TMEM39A: variants seen among roughly 807,000 people sequenced by gnomAD.
The protein encoded by TMEM39A is suppressor of SQST-1 aggregates in rpl-43 mutants.
A neutral mutation model predicts 51.9 loss-of-function variants in TMEM39A; 19 were observed. The ratio of observed to expected loss-of-function variants is 0.37; its 90% CI spans 0.26 to 0.54. The LOEUF (loss-of-function observed/expected upper bound fraction) is 0.54, where lower values mean the gene tolerates loss of function less well. TMEM39A is among the 20% of genes least tolerant of loss of function. The pLI, the probability that TMEM39A is intolerant of heterozygous loss-of-function variation, is 0.88. For missense variants in TMEM39A, 433 were observed against 590.5 expected (o/e 0.73, Z 2.76); for synonymous variants, 197 against 220.2 (o/e 0.89, Z 0.93).
At chr3:119,438,689 T>C (rs1174096173) in intron 5 of TMEM39A, among the ~76,000 whole-genome samples, 1 of 152,212 alleles carries the variant, frequency 6.6e-6, no homozygotes, top group Admixed American at 6.5e-5. Context: ...TAAATAACAA[T>C]GTGATAAGGA....
intron 2 of TMEM39A, among the ~76,000 whole-genome samples, chr3:119,461,403 G>T (rs1412968130): frequency 2.0e-5 from 3 of 152,158 alleles, no homozygotes; most frequent in Non-Finnish European, 1.5e-5. Flanking sequence ...TTAAAATCAA[G>T]ACAAGAGAAA....
chr3:119,452,618 A>C (rs2081215322), intron 3 of TMEM39A, 88 bp from the exon 4 acceptor site: 2 of 1,027,828 alleles, frequency 1.9e-6, no homozygotes, highest in Non-Finnish European at 2.9e-6. Flanking sequence ...TATCCCTCAA[A>C]AGATCTTCCT....
chr3:119,431,411 T>C lies in TMEM39A; in HGVS notation c.*570A>G, dbSNP rs547062960. ...TAGCTTATTCAAAAGTATATTTAAA[T>C]GTCACAGGGTAAAATAGACCAGCTG... On this transcript the variant is annotated 3_prime_UTR_variant, in exon 9 of 9. Transcript: ENST00000319172. The C allele has an allele frequency of 1.3e-5, 2 of 152,272 alleles. No homozygotes were observed. Among genetic ancestry groups the C allele is most frequent in the South Asian group, 4.1e-4 (2 of 4,824 alleles). 9.4% of individuals were successfully genotyped at this position (152,272 alleles called of 1,614,324 possible). A position where few individuals can be genotyped will look rare whatever the true frequency, so the allele number is the denominator to read the frequency against.
At chr3:119,445,597 GA>G (rs962147355) in intron 5 of TMEM39A, among the ~76,000 whole-genome samples, 2 of 151,620 alleles carry the variant, frequency 1.3e-5, no homozygotes, top group African/African-American at 4.8e-5. Context: ...AACCTCAAAA[GA>G]AAAAAAAGCT....
At chr3:119,442,406 T>A (rs2081066801) in intron 5 of TMEM39A, among the ~76,000 whole-genome samples, 1 of 151,928 alleles carries the variant, frequency 6.6e-6, no homozygotes, top group South Asian at 2.1e-4. Context: ...AAGGCTCTGA[T>A]GGAGATTGTT....
chr3:119,451,830 C>CAAAAAAAA (rs10653676), intron 4 of TMEM39A, among the ~76,000 whole-genome samples: 1 of 54,256 alleles, frequency 1.8e-5, no homozygotes, highest in Non-Finnish European at 3.2e-5. Flanking sequence ...AACTCCGTCT[C>CAAAAAAAA]AAAAAAAAAA....
intron 5 of TMEM39A, among the ~76,000 whole-genome samples, chr3:119,439,968 A>G (rs965421023): frequency 5.9e-5 from 9 of 152,104 alleles, no homozygotes; most frequent in Admixed American, 5.2e-4. Flanking sequence ...GGGTCTCCCT[A>G]TGTTGCTCAG....
chr3:119,435,919 T>G (rs1295089163), intron 7 of TMEM39A: 3 of 1,289,640 alleles, frequency 2.3e-6, no homozygotes, highest in Admixed American at 4.6e-5. Flanking sequence ...TTCCTGGGCT[T>G]GAAGGCCTGT....
At chr3:119,449,231 A>G (rs939569721) in intron 4 of TMEM39A, among the ~76,000 whole-genome samples, 8 of 152,342 alleles carry the variant, frequency 5.3e-5, no homozygotes, top group Middle Eastern at 3.4e-3. Flanking sequence ...AAATAAATGT[A>G]AATATAAAAT....
At chr3:119,435,219 G>C in intron 7 of TMEM39A, 1 of 985,432 alleles carries the variant, frequency 1.0e-6, no homozygotes, top group South Asian at 4.7e-5. Context: ...CAAGTGAGCA[G>C]AGTCTACTGG....
chr3:119,449,601 G>A (rs1003442046), intron 4 of TMEM39A, among the ~76,000 whole-genome samples: 4 of 152,102 alleles, frequency 2.6e-5, no homozygotes, highest in Non-Finnish European at 4.4e-5. Flanking sequence ...CAGCCTGGGC[G>A]ACAAGAGCAA....
In TMEM39A at chr3:119,447,071, G is replaced by A. The variant is rs1017187902; in HGVS notation, c.522C>T (p.Leu174=). ...TLCGWVLCWT[L]VNLFRSHSVL... is the part of the protein sequence containing the mutation. Reference sequence around the variant, plus strand: ...CTGAATGGCTTCGAAAGAGATTGACGAGGGTCCAACAAAGTACCCATCCAC... The same window carrying A: ...CTGAATGGCTTCGAAAGAGATTGACAAGGGTCCAACAAAGTACCCATCCAC... The change falls in exon 5 of 9, where the codon CTC becomes CTT. Residue 174 remains leucine, a synonymous_variant. Transcript: ENST00000319172. 5.0e-6 allele frequency: 8 copies of A among 1,613,980 alleles called. No individual in the cohort carries two copies. In the African/African-American group the frequency reaches 6.7e-5, roughly 13 times the overall value.
intron 4 of TMEM39A, among the ~76,000 whole-genome samples, chr3:119,448,559 T>C (rs751554028): frequency 6.6e-6 from 1 of 152,206 alleles, no homozygotes; most frequent in East Asian, 1.9e-4. Context: ...TACTTTAAAA[T>C]GCAAAGCAGC....
intron 2 of TMEM39A, 152 bp downstream of exon 2, chr3:119,461,810 G>GTT: frequency 1.7e-6 from 1 of 573,264 alleles, no homozygotes; most frequent in Non-Finnish European, 2.9e-6. Context: ...AAGTATTTTG[G>GTT]AATTCTGAAT....
chr3:119,455,882 A>G (rs2081257277), intron 3 of TMEM39A, among the ~76,000 whole-genome samples: 1 of 152,196 alleles, frequency 6.6e-6, no homozygotes, highest in African/African-American at 2.4e-5. Flanking sequence ...TAAATATAGG[A>G]CTAAAACAGG....
intron 3 of TMEM39A, among the ~76,000 whole-genome samples, chr3:119,456,485 T>G (rs2081266328): frequency 6.6e-6 from 1 of 152,234 alleles, no homozygotes; most frequent in Non-Finnish European, 1.5e-5. Flanking sequence ...CTTAAGGATT[T>G]TGGCCCACAT....
intron 1 of TMEM39A, among the ~76,000 whole-genome samples, chr3:119,463,011 C>G (rs761206758): frequency 6.6e-6 from 1 of 152,124 alleles, no homozygotes; most frequent in Non-Finnish European, 1.5e-5. Context: ...TGGAAAAAAC[C>G]CGTGTTTTCA....
chr3:119,457,998 A>C lies in TMEM39A; in HGVS notation c.336+20T>G, dbSNP rs376460072. Reference sequence around the variant, plus strand: ...CTTGGGTAAGTAACATGAAGAACTTAAAGTCTGAGTAAGACTTACCAGTGA... The same window carrying C: ...CTTGGGTAAGTAACATGAAGAACTTCAAGTCTGAGTAAGACTTACCAGTGA... On this transcript the variant is annotated intron_variant, in intron 3 of 8. Coordinates refer to ENST00000319172, the MANE Select transcript of TMEM39A (RefSeq NM_018266.3). The C allele has an allele frequency of 3.8e-4, 596 of 1,576,592 alleles. 1 individual carries two copies. The African/African-American group carries it at 5.3e-3, about 14-fold the overall frequency.
intron 4 of TMEM39A, among the ~76,000 whole-genome samples, chr3:119,450,838 A>AAAG (rs1192715242): frequency 1.3e-5 from 2 of 150,956 alleles, no homozygotes; most frequent in East Asian, 3.9e-4. Flanking sequence ...AAAAAAAAAA[A>AAAG]AAAAAAAAAA....
Sources: allele counts gnomAD v4.1 joint callset (sites outside exome capture counted in the v4.1 genomes callset), GRCh38; gene constraint gnomAD v4.1.1; transcripts MANE v1.5; gene names NCBI Gene and HGNC (gene_info 2026-07-23, HGNC 2026-07-21).